The following FUT9 variants were observed in gnomAD, a reference collection of about 807,000 sequenced individuals.
FUT9 encodes 4-galactosyl-N-acetylglucosaminide 3-alpha-L-fucosyltransferase 9.
A neutral mutation model predicts 29.7 loss-of-function variants in FUT9; 15 were observed. The observed-to-expected ratio is 0.51, with a 90% CI of 0.34 to 0.78. The LOEUF (loss-of-function observed/expected upper bound fraction) is 0.78. Ranked by LOEUF, FUT9 falls within the 30% of genes least tolerant of loss-of-function variation. FUT9 has a pLI of 0.01. For missense variants in FUT9, 319 were observed against 425.4 expected (o/e 0.75, Z 2.20); for synonymous variants, 169 against 153.7 (o/e 1.10, Z -0.74).
At chr6:96,026,904 A>G (rs73757716) in intron 1 of FUT9, among the ~76,000 whole-genome samples, 10,110 of 151,626 alleles carry the variant, frequency 0.067, 1,090 homozygotes, top group African/African-American at 0.23. Flanking sequence ...CCTAGTGCCT[A>G]CCTCCCCAAC....
Position 96,211,846 on chromosome 6 carries a change from T to C in FUT9, c.*7611T>C. 1 of 366,372 alleles carries C rather than the reference T, an allele frequency of 2.7e-6. No homozygotes were observed. Among genetic ancestry groups the C allele is most frequent in the East Asian group, 4.2e-5 (1 of 23,840 alleles). 22.7% of individuals were successfully genotyped at this position (366,372 alleles called of 1,614,324 possible). A position where few individuals can be genotyped will look rare whatever the true frequency, so the allele number is the denominator to read the frequency against. ...AAGAGTATTAGAAATGTCTGTTATG[T>C]CAGTAACATTAGAAAACTTCAAAAA... On this transcript the variant is annotated 3_prime_UTR_variant, in exon 3 of 3. Transcript: ENST00000302103.
At chr6:96,193,345 C>A (rs77709823) in intron 2 of FUT9, among the ~76,000 whole-genome samples, 1 of 101,508 alleles carries the variant, frequency 9.9e-6, no homozygotes, top group Non-Finnish European at 2.0e-5. Flanking sequence ...AGAACTCAAT[C>A]AAATTTACAA....
intron 1 of FUT9, among the ~76,000 whole-genome samples, chr6:96,096,684 A>ATGTGTGTGTGTGTGTGTGTG (rs1243489757): frequency 0.1 from 14,567 of 140,618 alleles, 865 homozygotes; most frequent in East Asian, 0.13. Context: ...TGTCTAAGGC[A>ATGTGTGTGTGTGTGTGTGTG]TGTGTGTGTG....
At chr6:96,146,119 A>T (rs1772563117) in intron 2 of FUT9, among the ~76,000 whole-genome samples, 1 of 152,148 alleles carries the variant, frequency 6.6e-6, no homozygotes, top group East Asian at 1.9e-4. Context: ...GATTATAGGC[A>T]TGAGCTACCA....
intron 1 of FUT9, among the ~76,000 whole-genome samples, chr6:96,107,201 A>G (rs1771706702): frequency 6.6e-6 from 1 of 152,184 alleles, no homozygotes; most frequent in South Asian, 2.1e-4. Context: ...AAAATTATTC[A>G]TACATGTCTT....
At chr6:96,149,012 C>A (rs1582267940) in intron 2 of FUT9, among the ~76,000 whole-genome samples, 2 of 152,034 alleles carry the variant, frequency 1.3e-5, no homozygotes, top group East Asian at 1.9e-4. Flanking sequence ...AAAAATTAGC[C>A]AGGTGTGGTG....
chr6:96,072,852 G>A (rs1039479630), intron 1 of FUT9, among the ~76,000 whole-genome samples: 1 of 152,110 alleles, frequency 6.6e-6, no homozygotes, highest in Non-Finnish European at 1.5e-5. Flanking sequence ...GTGGCTAATG[G>A]ATACTTTCTA....
In FUT9 at chr6:96,206,455, T is replaced by G. The variant is rs543899190; in HGVS notation, c.*2220T>G. On this transcript the variant is annotated 3_prime_UTR_variant, in exon 3 of 3. Coordinates refer to ENST00000302103, the MANE Select transcript of FUT9 (RefSeq NM_006581.4). Reference sequence around the variant, plus strand: ...ACTGCTAACAAGTTTAGAAAGCACCTGCTTTTTTTTATTATTATTATTTTT... The same window carrying G: ...ACTGCTAACAAGTTTAGAAAGCACCGGCTTTTTTTTATTATTATTATTTTT... 60 of 166,980 alleles carry G rather than the reference T, an allele frequency of 3.6e-4. No individual in the cohort carries two copies. Among genetic ancestry groups the G allele is most frequent in the Admixed American group, 1.6e-3 (25 of 15,250 alleles). 10.3% of individuals were successfully genotyped at this position (166,980 alleles called of 1,614,324 possible). A position where few individuals can be genotyped will look rare whatever the true frequency, so the allele number is the denominator to read the frequency against.
chr6:96,153,052 C>G (rs1772707266), intron 2 of FUT9, among the ~76,000 whole-genome samples: 1 of 152,146 alleles, frequency 6.6e-6, no homozygotes, highest in Non-Finnish European at 1.5e-5. Flanking sequence ...ACCAGTAATT[C>G]TTCTCATCAG....
At chr6:96,033,754 A>G (rs1427238762) in intron 1 of FUT9, among the ~76,000 whole-genome samples, 1 of 151,778 alleles carries the variant, frequency 6.6e-6, no homozygotes, top group Non-Finnish European at 1.5e-5. Context: ...ATAAATATTC[A>G]TACACACTCA....
chr6:96,087,939 T>C (rs1159858755), intron 1 of FUT9, among the ~76,000 whole-genome samples: 1 of 152,170 alleles, frequency 6.6e-6, no homozygotes, highest in Non-Finnish European at 1.5e-5. Flanking sequence ...TTAGCTCTTG[T>C]ATGTGTCTGA....
At chr6:96,065,471 G>T (rs1268361004) in intron 1 of FUT9, among the ~76,000 whole-genome samples, 1 of 152,086 alleles carries the variant, frequency 6.6e-6, no homozygotes, top group African/African-American at 2.4e-5. Context: ...AACTTGCTCA[G>T]TTCTCTAAGT....
intron 2 of FUT9, among the ~76,000 whole-genome samples, chr6:96,174,637 A>T (rs1313971852): frequency 2.0e-5 from 3 of 152,106 alleles, no homozygotes; most frequent in African/African-American, 7.2e-5. Context: ...AACAAAATAC[A>T]CACATTATGG....
At chr6:96,140,627 A>G (rs566449256) in intron 2 of FUT9, among the ~76,000 whole-genome samples, 9 of 152,218 alleles carry the variant, frequency 5.9e-5, no homozygotes, top group Non-Finnish European at 5.9e-5. Context: ...AAGGTGAAGG[A>G]GGAGCAAAGG....
At chr6:96,147,667 T>C (rs1220476544) in intron 2 of FUT9, among the ~76,000 whole-genome samples, 1 of 152,026 alleles carries the variant, frequency 6.6e-6, no homozygotes, top group African/African-American at 2.4e-5. Flanking sequence ...TTGCCACTAG[T>C]AGGATCTAGA....
At chr6:96,171,673 T>G (rs1476093379) in intron 2 of FUT9, among the ~76,000 whole-genome samples, 1 of 152,152 alleles carries the variant, frequency 6.6e-6, no homozygotes, top group Non-Finnish European at 1.5e-5. Context: ...AGTGATATCT[T>G]TAACCTAAAG....
In FUT9 at chr6:96,211,891, T is replaced by C; in HGVS notation, c.*7656T>C. 1 of 402,160 alleles carries C rather than the reference T, an allele frequency of 2.5e-6. No individual in the cohort carries two copies. The highest frequency in any genetic ancestry group is 4.6e-6 in the Non-Finnish European group (1 of 219,160). The allele number at this position is 402,160 out of a possible 1,614,324, so 24.9% of individuals were successfully genotyped here. On this transcript the variant is annotated 3_prime_UTR_variant, in exon 3 of 3. Transcript: ENST00000302103. ...CAAAAACTGATTTATTTTTCTGAGTTCTCTGGAAACCAAACAATTTTGAAT... is the reference window on the plus strand; with the variant it reads ...CAAAAACTGATTTATTTTTCTGAGTCCTCTGGAAACCAAACAATTTTGAAT...
intron 2 of FUT9, among the ~76,000 whole-genome samples, chr6:96,136,438 T>G (rs2127971327): frequency 6.6e-6 from 1 of 152,038 alleles, no homozygotes; most frequent in Non-Finnish European, 1.5e-5. Flanking sequence ...TTGACTTAAT[T>G]TTACTAAGAA....
chr6:96,168,497 A>G (rs995437538), intron 2 of FUT9, among the ~76,000 whole-genome samples: 13 of 152,218 alleles, frequency 8.5e-5, no homozygotes, highest in African/African-American at 3.1e-4. Context: ...ACAAGGGAAG[A>G]AAGCAATCAC....
Sources: gnomAD v4.1 joint callset for allele counts (sites outside exome capture counted in the v4.1 genomes callset) on GRCh38, gnomAD v4.1.1 for gene constraint, MANE v1.5 for transcripts, NCBI Gene and HGNC (gene_info 2026-07-23, HGNC 2026-07-21) for gene names.